Variants in CRADD observed in about 807,000 individuals in gnomAD.
The protein encoded by CRADD is death domain-containing protein CRADD.
A neutral mutation model predicts 15.5 loss-of-function variants in CRADD; 9 were observed. The ratio of observed to expected loss-of-function variants is 0.58; its 90% CI spans 0.35 to 1.01. CRADD has a LOEUF of 1.01. Ranked by LOEUF, CRADD falls within the 50% of genes least tolerant of loss-of-function variation. The probability of loss-of-function intolerance (pLI) is 0.02; values close to 1 mark genes in which losing one functional copy is unlikely to be tolerated. For synonymous variants in CRADD, 118 were observed against 107.6 expected, an observed-to-expected ratio of 1.10 and a Z score of -0.60; for missense variants, 227 against 250.3, an observed-to-expected ratio of 0.91 and a Z score of 0.63.
At chr12:93,884,926 G>A (rs972371238) in intron 2 of CRADD, among the ~76,000 whole-genome samples, 1 of 152,142 alleles carries the variant, frequency 6.6e-6, no homozygotes, top group Admixed American at 6.5e-5. Flanking sequence ...TTCCTAAGGA[G>A]GGCATCTCTG....
At chr12:93,764,983 T>C in intron 2 of CRADD, among the ~76,000 whole-genome samples, 1 of 151,782 alleles carries the variant, frequency 6.6e-6, no homozygotes. Flanking sequence ...GATAATTAAA[T>C]TTCTCCAATT....
intron 2 of CRADD, among the ~76,000 whole-genome samples, chr12:93,832,314 C>A (rs1055906017): frequency 3.3e-5 from 5 of 152,128 alleles, no homozygotes; most frequent in Non-Finnish European, 5.9e-5. Context: ...GGTAAATTTG[C>A]GTGACATCCA....
chr12:93,846,372 C>T (rs1353394413), intron 2 of CRADD: 3 of 152,132 alleles, frequency 2.0e-5, no homozygotes, highest in African/African-American at 7.2e-5. Context: ...TTCCACAGCA[C>T]CTGCACCATT....
intron 2 of CRADD, among the ~76,000 whole-genome samples, chr12:93,890,404 G>A (rs953348924): frequency 6.6e-6 from 1 of 152,242 alleles, no homozygotes. Context: ...AGATGGGCTA[G>A]AAATTGGGAT....
intron 2 of CRADD, among the ~76,000 whole-genome samples, chr12:93,722,743 A>G (rs1956286986): frequency 6.6e-6 from 1 of 152,084 alleles, no homozygotes; most frequent in Non-Finnish European, 1.5e-5. Context: ...ACTATCTATT[A>G]GAGCCCTTAA....
chr12:93,798,524 C>T (rs1316471250), intron 2 of CRADD, among the ~76,000 whole-genome samples: 1 of 152,120 alleles, frequency 6.6e-6, no homozygotes, highest in Non-Finnish European at 1.5e-5. Flanking sequence ...TTAATCATGA[C>T]CTCTCAGAAA....
chr12:93,718,217 G>T (rs1192027309), intron 2 of CRADD, among the ~76,000 whole-genome samples: 1 of 152,118 alleles, frequency 6.6e-6, no homozygotes, highest in East Asian at 1.9e-4. Flanking sequence ...ATAGTGTGCT[G>T]GGATTTTTGT....
intron 2 of CRADD, among the ~76,000 whole-genome samples, chr12:93,822,085 T>G (rs1258665877): frequency 2.7e-5 from 4 of 149,010 alleles, no homozygotes; most frequent in Non-Finnish European, 4.4e-5. Flanking sequence ...GCCACTGCAC[T>G]CCAGCCTGGG....
chr12:93,869,676 A>G (rs928344501), intron 2 of CRADD, among the ~76,000 whole-genome samples: 1 of 152,192 alleles, frequency 6.6e-6, no homozygotes, highest in Admixed American at 6.5e-5. Context: ...AAAATGATGG[A>G]TGGGATCAAC....
intron 2 of CRADD, among the ~76,000 whole-genome samples, chr12:93,765,154 T>C (rs936170161): frequency 1.3e-5 from 2 of 152,206 alleles, no homozygotes; most frequent in African/African-American, 2.4e-5. Flanking sequence ...ACATTATTAA[T>C]GAATAGATTG....
chr12:93,727,952 G>A (rs1346424530), intron 2 of CRADD, among the ~76,000 whole-genome samples: 1 of 152,150 alleles, frequency 6.6e-6, no homozygotes, highest in African/African-American at 2.4e-5. Context: ...TCTACTCCTG[G>A]AGGTAGACTG....
At chr12:93,872,250 G>T (rs1029629639) in intron 2 of CRADD, among the ~76,000 whole-genome samples, 2 of 151,928 alleles carry the variant, frequency 1.3e-5, no homozygotes, top group Non-Finnish European at 2.9e-5. Context: ...CCCATTTTTT[G>T]AATGAATTAT....
At chr12:93,781,572 A>G (rs1214899931) in intron 2 of CRADD, among the ~76,000 whole-genome samples, 1 of 152,228 alleles carries the variant, frequency 6.6e-6, no homozygotes, top group African/African-American at 2.4e-5. Context: ...ATCAGTCTCC[A>G]TATCACTAAA....
chr12:93,677,460 CGTGGTTGCAGACGTAA>C lies in CRADD; in HGVS notation c.-16_-7+6del. Reference sequence around the variant, plus strand: ...GTTTTTCTCCCCCGCCCCAAAGATACGTGGTTGCAGACGTAAGTAACAGGAATCCATCTTTCTTTGA... The same window carrying C: ...GTTTTTCTCCCCCGCCCCAAAGATACGTAACAGGAATCCATCTTTCTTTGA... On this transcript the variant is annotated splice_donor_variant and splice_donor_region_variant and 5_prime_UTR_variant and intron_variant, in exon 1 of 3. Coordinates refer to ENST00000332896, the MANE Select transcript of CRADD (RefSeq NM_003805.5). LOFTEE classifies it low-confidence loss of function (5UTR_SPLICE). 1 of 152,384 alleles carries C rather than the reference CGTGGTTGCAGACGTAA, an allele frequency of 6.6e-6. No individual in the cohort carries two copies. Among genetic ancestry groups the C allele is most frequent in the South Asian group, 2.1e-4 (1 of 4,834 alleles). The allele number at this position is 152,384 out of a possible 1,614,324, so 9.4% of individuals were successfully genotyped here.
intron 2 of CRADD, among the ~76,000 whole-genome samples, chr12:93,748,148 A>T (rs1285943755): frequency 6.6e-6 from 1 of 152,194 alleles, no homozygotes; most frequent in South Asian, 2.1e-4. Flanking sequence ...CTACCACAGA[A>T]TGCGAGTTCA....
intron 2 of CRADD, among the ~76,000 whole-genome samples, chr12:93,862,411 C>T (rs929519553): frequency 3.3e-5 from 5 of 152,114 alleles, no homozygotes; most frequent in African/African-American, 1.2e-4. Context: ...AGAAAGTTCG[C>T]TGTAGGGAAT....
chr12:93,734,474 A>G (rs1459555245), intron 2 of CRADD, among the ~76,000 whole-genome samples: 1 of 152,158 alleles, frequency 6.6e-6, no homozygotes, highest in Non-Finnish European at 1.5e-5. Context: ...TGTATTCTAA[A>G]CAAGTTTTTC....
intron 2 of CRADD, among the ~76,000 whole-genome samples, chr12:93,802,364 C>T (rs750416506): frequency 5.3e-5 from 8 of 152,244 alleles, no homozygotes; most frequent in South Asian, 4.1e-4. Context: ...TGTTTTTTGA[C>T]GTTATAATTA....
At chr12:93,762,622 T>C (rs1956979625) in intron 2 of CRADD, among the ~76,000 whole-genome samples, 1 of 152,176 alleles carries the variant, frequency 6.6e-6, no homozygotes, top group African/African-American at 2.4e-5. Context: ...AATTTACTTA[T>C]TTGGGACTGC....
Sources: gnomAD v4.1 joint callset for allele counts (sites outside exome capture counted in the v4.1 genomes callset) on GRCh38, gnomAD v4.1.1 for gene constraint, MANE v1.5 for transcripts, NCBI Gene and HGNC (gene_info 2026-07-23, HGNC 2026-07-21) for gene names.